Variants in PCDH15 observed in about 807,000 individuals in gnomAD.
PCDH15 encodes protocadherin related 15, also known as protocadherin-15.
A neutral mutation model predicts 178.5 loss-of-function variants in PCDH15; 129 were observed. The ratio of observed to expected loss-of-function variants is 0.72; its 90% CI spans 0.63 to 0.84. The LOEUF (loss-of-function observed/expected upper bound fraction) is 0.84, where lower values mean the gene tolerates loss of function less well. Ranked by LOEUF, PCDH15 falls within the 40% of genes least tolerant of loss-of-function variation. The pLI is 0.00. For synonymous variants in PCDH15, 800 were observed against 732.0 expected, an observed-to-expected ratio of 1.09 and a Z score of -1.50; for missense variants, 2,230 against 2,099.9, an observed-to-expected ratio of 1.06 and a Z score of -1.21.
intron 1 of PCDH15, among the ~76,000 whole-genome samples, chr10:55,240,773 AT>A (rs1263145918): frequency 9.2e-5 from 14 of 152,188 alleles, no homozygotes; most frequent in Non-Finnish European, 2.1e-4. Flanking sequence ...TAAAATAAGT[AT>A]GTATTCACAA....
At chr10:55,575,727 A>T (rs1371274288) in intron 2 of PCDH15, 2 of 152,152 alleles carry the variant, frequency 1.3e-5, no homozygotes, top group Non-Finnish European at 2.9e-5. Context: ...AGTACCAAAA[A>T]CACATTGCAC....
At chr10:54,572,713 T>C (rs749295869) in intron 2 of PCDH15, among the ~76,000 whole-genome samples, 22 of 152,160 alleles carry the variant, frequency 1.4e-4, no homozygotes, top group Non-Finnish European at 8.8e-5. Context: ...TGAGTTCTAG[T>C]TCTTTCACTA....
chr10:55,294,338 C>T (rs1843083245), intron 1 of PCDH15, among the ~76,000 whole-genome samples: 1 of 152,158 alleles, frequency 6.6e-6, no homozygotes, highest in South Asian at 2.1e-4. Context: ...CTCTGGATTG[C>T]TCACGGTTAG....
intron 2 of PCDH15, among the ~76,000 whole-genome samples, chr10:55,121,488 G>A (rs941965976): frequency 2.0e-5 from 3 of 151,998 alleles, no homozygotes; most frequent in Non-Finnish European, 2.9e-5. Flanking sequence ...CTATTGGGAT[G>A]GAATGAATGT....
At chr10:54,260,200 T>C (rs1250375197) in intron 8 of PCDH15, among the ~76,000 whole-genome samples, 1 of 152,204 alleles carries the variant, frequency 6.6e-6, no homozygotes, top group Non-Finnish European at 1.5e-5. Context: ...TTAAAATTTA[T>C]TATAGTTTTG....
chr10:54,171,008 A>G (rs1286591719), intron 13 of PCDH15, among the ~76,000 whole-genome samples: 5 of 152,040 alleles, frequency 3.3e-5, no homozygotes, highest in African/African-American at 1.2e-4. Flanking sequence ...CCTGAGTCAG[A>G]TAACTAAAAT....
chr10:54,524,863 T>C (rs1411494830), intron 3 of PCDH15, among the ~76,000 whole-genome samples: 1 of 152,186 alleles, frequency 6.6e-6, no homozygotes, highest in Non-Finnish European at 1.5e-5. Flanking sequence ...AATCTCTTGT[T>C]CAGCCCAAGA....
At chr10:54,105,339 T>TACAC (rs59388031) in intron 15 of PCDH15, among the ~76,000 whole-genome samples, 1 of 135,000 alleles carries the variant, frequency 7.4e-6, no homozygotes, top group Non-Finnish European at 1.6e-5. Flanking sequence ...TACATATATA[T>TACAC]ACACACACAC....
intron 2 of PCDH15, among the ~76,000 whole-genome samples, chr10:55,529,520 A>G (rs1841394433): frequency 6.6e-6 from 1 of 151,542 alleles, no homozygotes; most frequent in East Asian, 2.0e-4. Flanking sequence ...CTGGGCAGCA[A>G]TTTTAAAAAT....
chr10:55,055,662 G>A (rs1243144148), intron 2 of PCDH15, among the ~76,000 whole-genome samples: 1 of 152,054 alleles, frequency 6.6e-6, no homozygotes, highest in Admixed American at 6.6e-5. Flanking sequence ...AATTAGCCAG[G>A]TGCAGTGGCG....
intron 3 of PCDH15, among the ~76,000 whole-genome samples, chr10:54,844,162 T>C (rs961038784): frequency 2.6e-5 from 4 of 151,956 alleles, no homozygotes; most frequent in South Asian, 2.1e-4. Context: ...CAAATACAAA[T>C]AGATAAGAGG....
chr10:54,553,161 C>A (rs981557847), intron 2 of PCDH15, among the ~76,000 whole-genome samples: 1 of 152,056 alleles, frequency 6.6e-6, no homozygotes, highest in African/African-American at 2.4e-5. Flanking sequence ...CAATGTATTC[C>A]AATAAATTCA....
chr10:55,202,607 C>A (rs993450812), intron 1 of PCDH15, among the ~76,000 whole-genome samples: 5 of 152,112 alleles, frequency 3.3e-5, no homozygotes, highest in Non-Finnish European at 7.3e-5. Flanking sequence ...TGGACACTCT[C>A]CTTGTTTGCG....
intron 2 of PCDH15, among the ~76,000 whole-genome samples, chr10:55,099,105 C>T (rs1261252703): frequency 6.6e-6 from 1 of 151,926 alleles, no homozygotes; most frequent in Non-Finnish European, 1.5e-5. Flanking sequence ...AAAATTTTTA[C>T]TCTATTTCAT....
intron 2 of PCDH15, among the ~76,000 whole-genome samples, chr10:55,554,786 T>C (rs1415054950): frequency 6.6e-6 from 1 of 152,082 alleles, no homozygotes; most frequent in Non-Finnish European, 1.5e-5. Context: ...AGTTTCTACC[T>C]AATGTCCTTT....
At position 54,740,078 on chromosome 10, in the gene PCDH15, T is replaced by A. The variant is rs11004526; in HGVS notation, c.-29+60847A>T. Among the ~76,000 whole-genome samples the A allele has an allele frequency of 9.3e-3, 1,408 of 151,784 alleles. 21 individuals carry two copies. Among genetic ancestry groups the A allele is most frequent in the East Asian group, 0.055 (286 of 5,154 alleles). ...TACTTCTACACAGCAAAGAAAGCAA[T>A]CAACAAAGTGAGGAGACAGTCCACA... On this transcript the variant is annotated intron_variant, in intron 1 of 37. Coordinates refer to ENST00000644397, the MANE Select transcript of PCDH15 (RefSeq NM_001384140.1).
intron 2 of PCDH15, among the ~76,000 whole-genome samples, chr10:55,424,954 C>A (rs12098326): frequency 0.23 from 34,400 of 151,180 alleles, 4,258 homozygotes; most frequent in African/African-American, 0.32. Context: ...AAATGGTTTG[C>A]AACTAGATGG....
intron 2 of PCDH15, among the ~76,000 whole-genome samples, chr10:54,566,590 G>C (rs908019472): frequency 6.6e-6 from 1 of 152,080 alleles, no homozygotes; most frequent in Non-Finnish European, 1.5e-5. Flanking sequence ...AAATCATAGC[G>C]TATACAGCCT....
intron 1 of PCDH15, among the ~76,000 whole-genome samples, chr10:55,270,581 C>A (rs1291270932): frequency 6.6e-6 from 1 of 151,628 alleles, no homozygotes; most frequent in Non-Finnish European, 1.5e-5. Flanking sequence ...TAAATCAAAA[C>A]CACAGTGAGG....
Sources: gnomAD v4.1 joint callset for allele counts (sites outside exome capture counted in the v4.1 genomes callset) on GRCh38, gnomAD v4.1.1 for gene constraint, MANE v1.5 for transcripts, NCBI Gene and HGNC (gene_info 2026-07-23, HGNC 2026-07-21) for gene names.